Variants in KCNN2 observed in about 807,000 individuals in gnomAD.
KCNN2 encodes the protein potassium calcium-activated channel subfamily N member 2.
In KCNN2, 24 loss-of-function variants were observed where a neutral mutation model predicts 55.5. The ratio of observed to expected loss-of-function variants is 0.43; its 90% confidence interval spans 0.31 to 0.61. KCNN2 has a LOEUF of 0.61. KCNN2 is among the 20% of genes least tolerant of loss of function. The pLI, the probability that KCNN2 is intolerant of heterozygous loss-of-function variation, is 0.08. For missense variants in KCNN2, 754 were observed against 853.6 expected, an observed-to-expected ratio of 0.88 and a Z score of 1.45; for synonymous variants, 431 against 336.1, an observed-to-expected ratio of 1.28 and a Z score of -3.09.
At chr5:114,106,673 T>A (rs1176618922) in intron 1 of KCNN2, among the ~76,000 whole-genome samples, 2 of 142,616 alleles carry the variant, frequency 1.4e-5, no homozygotes, top group Non-Finnish European at 3.1e-5. Flanking sequence ...CATTTGGATG[T>A]CTTTTTGTGT....
intron 1 of KCNN2, among the ~76,000 whole-genome samples, chr5:114,204,674 A>T (rs940405685): frequency 2.6e-5 from 4 of 152,192 alleles, no homozygotes; most frequent in Admixed American, 2.6e-4. Flanking sequence ...AGCCACTTTT[A>T]GTTTTTGGAA....
At chr5:114,124,206 A>C (rs1751883816) in intron 1 of KCNN2, among the ~76,000 whole-genome samples, 1 of 152,244 alleles carries the variant, frequency 6.6e-6, no homozygotes, top group Non-Finnish European at 1.5e-5. Flanking sequence ...GGATAACTTC[A>C]AAAAGGTTTT....
chr5:114,416,227 C>G (rs1468864796), intron 3 of KCNN2, among the ~76,000 whole-genome samples: 1 of 152,054 alleles, frequency 6.6e-6, no homozygotes, highest in African/African-American at 2.4e-5. Context: ...GTGTTCCTGA[C>G]TTGCCTCCAA....
intron 1 of KCNN2, among the ~76,000 whole-genome samples, chr5:114,186,437 A>G (rs1281708253): frequency 6.6e-6 from 1 of 152,190 alleles, no homozygotes; most frequent in Non-Finnish European, 1.5e-5. Flanking sequence ...TTGTGGAAGT[A>G]AGGTATTAAA....
At chr5:114,331,652 A>C (rs545933179) in intron 2 of KCNN2, among the ~76,000 whole-genome samples, 3 of 152,382 alleles carry the variant, frequency 2.0e-5, no homozygotes, top group Admixed American at 2.0e-4. Flanking sequence ...CACTGATTAC[A>C]TAAAAACAGT....
intron 2 of KCNN2, among the ~76,000 whole-genome samples, chr5:114,378,717 A>G (rs1042995548): frequency 6.6e-6 from 1 of 152,070 alleles, no homozygotes; most frequent in Non-Finnish European, 1.5e-5. Flanking sequence ...ATGGTGCTGC[A>G]TAACTTAGTG....
At chr5:114,471,145 A>G (rs1234141796) in intron 4 of KCNN2, among the ~76,000 whole-genome samples, 1 of 152,178 alleles carries the variant, frequency 6.6e-6, no homozygotes, top group Non-Finnish European at 1.5e-5. Context: ...ATGGCTATGG[A>G]ATAATCACAA....
chr5:114,108,234 A>C (rs1048906008), intron 1 of KCNN2, among the ~76,000 whole-genome samples: 1 of 152,068 alleles, frequency 6.6e-6, no homozygotes, highest in South Asian at 2.1e-4. Flanking sequence ...TATTTACTGT[A>C]GGTTTAAAAA....
chr5:114,196,178 A>C (rs1324967356), intron 1 of KCNN2, among the ~76,000 whole-genome samples: 1 of 152,048 alleles, frequency 6.6e-6, no homozygotes, highest in African/African-American at 2.4e-5. Context: ...ATTGACTTCC[A>C]GATGTTAAAC....
intron 1 of KCNN2, among the ~76,000 whole-genome samples, chr5:114,119,158 C>G (rs1214360223): frequency 6.6e-6 from 1 of 152,160 alleles, no homozygotes; most frequent in East Asian, 1.9e-4. Flanking sequence ...AGAGGTGTTT[C>G]CAGATTTAGT....
At chr5:114,450,004 A>G (rs1181438458) in intron 3 of KCNN2, among the ~76,000 whole-genome samples, 1 of 152,108 alleles carries the variant, frequency 6.6e-6, no homozygotes, top group Non-Finnish European at 1.5e-5. Context: ...ATCACCTCAC[A>G]GCCCTCCTCT....
intron 1 of KCNN2, among the ~76,000 whole-genome samples, chr5:114,196,326 T>C (rs1234011401): frequency 2.0e-5 from 3 of 152,052 alleles, no homozygotes; most frequent in African/African-American, 7.2e-5. Flanking sequence ...TGTTCTATAC[T>C]TTTTATTTCT....
At chr5:114,419,568 G>T (rs1222542229) in intron 3 of KCNN2, among the ~76,000 whole-genome samples, 1 of 152,230 alleles carries the variant, frequency 6.6e-6, no homozygotes, top group African/African-American at 2.4e-5. Flanking sequence ...ACTACTTTTG[G>T]TACCAATGAT....
chr5:114,132,517 CT>C (rs1423425946), intron 1 of KCNN2, among the ~76,000 whole-genome samples: 1 of 152,072 alleles, frequency 6.6e-6, no homozygotes, highest in Non-Finnish European at 1.5e-5. Context: ...AGTTTAAATC[CT>C]GATAATACAC....
At chr5:114,346,931 C>G (rs1053771517) in intron 2 of KCNN2, among the ~76,000 whole-genome samples, 1 of 152,078 alleles carries the variant, frequency 6.6e-6, no homozygotes, top group Non-Finnish European at 1.5e-5. Context: ...AGGGGCCAAC[C>G]TGAAGGAGCT....
intron 2 of KCNN2, among the ~76,000 whole-genome samples, chr5:114,378,551 G>C (rs112370699): frequency 0.019 from 2,940 of 152,300 alleles, 38 homozygotes; most frequent in Non-Finnish European, 0.03. Flanking sequence ...TCGGGCTTCT[G>C]TGTAGGAGTT....
chr5:114,092,793 C>T (rs912212363), intron 1 of KCNN2, among the ~76,000 whole-genome samples: 1 of 152,170 alleles, frequency 6.6e-6, no homozygotes, highest in South Asian at 2.1e-4. Context: ...GTAAGTTGGC[C>T]CCCTTTAGCC....
chr5:114,252,692 TTC>T (rs924001590), intron 2 of KCNN2, among the ~76,000 whole-genome samples: 1 of 151,974 alleles, frequency 6.6e-6, no homozygotes, highest in African/African-American at 2.4e-5. Context: ...CTCTGCCATT[TTC>T]TCTGTTTCTA....
intron 2 of KCNN2, among the ~76,000 whole-genome samples, chr5:114,399,756 C>T (rs189677739): frequency 9.4e-4 from 143 of 152,092 alleles, no homozygotes; most frequent in African/African-American, 3.3e-3. Context: ...GATTGATAGG[C>T]TTTTTATTAC....
Sources: allele counts gnomAD v4.1 joint callset (sites outside exome capture counted in the v4.1 genomes callset), GRCh38; gene constraint gnomAD v4.1.1; transcripts MANE v1.5; gene names NCBI Gene and HGNC (gene_info 2026-07-23, HGNC 2026-07-21).